Variants in RSF1 observed in about 807,000 individuals in gnomAD.
RSF1 encodes the protein remodeling and spacing factor 1.
A neutral mutation model predicts 145.2 loss-of-function variants in RSF1; 13 were observed. The ratio of observed to expected loss-of-function variants is 0.09; its 90% confidence interval spans 0.06 to 0.14. The LOEUF (loss-of-function observed/expected upper bound fraction) is 0.14, where lower values mean the gene tolerates loss of function less well. RSF1 is among the 10% of genes least tolerant of loss of function. The pLI is 1.00. For missense variants in RSF1, 1,517 were observed against 1,718.2 expected, an observed-to-expected ratio of 0.88 and a Z score of 2.07; for synonymous variants, 577 against 592.6, an observed-to-expected ratio of 0.97 and a Z score of 0.38.
intron 1 of RSF1, among the ~76,000 whole-genome samples, chr11:77,806,659 C>G (rs1407930418): frequency 1.3e-5 from 2 of 150,926 alleles, no homozygotes; most frequent in Non-Finnish European, 2.9e-5. Context: ...GCAGTCTGGG[C>G]AATAGAGCAA....
intron 1 of RSF1, among the ~76,000 whole-genome samples, chr11:77,769,709 T>C (rs1002161599): frequency 1.3e-5 from 2 of 152,270 alleles, no homozygotes; most frequent in Admixed American, 6.5e-5. Context: ...GTCTTAAAAA[T>C]GTCACTGCTC....
intron 15 of RSF1, among the ~76,000 whole-genome samples, chr11:77,667,907 G>A (rs1273364157): frequency 6.6e-6 from 1 of 152,070 alleles, no homozygotes; most frequent in East Asian, 1.9e-4. Context: ...GTTTCACTAT[G>A]TTGGCCAAGC....
At chr11:77,728,664 C>T (rs943848821) in intron 4 of RSF1, among the ~76,000 whole-genome samples, 1 of 151,448 alleles carries the variant, frequency 6.6e-6, no homozygotes. Context: ...AAGAAAGAGG[C>T]CACACACAGA....
At chr11:77,865,820 C>T in the RSF1 span, among the ~76,000 whole-genome samples, 3 of 152,210 alleles carry the variant, frequency 2.0e-5, no homozygotes. Context: ...TATAATCTTA[C>T]ATATCTTCTT....
In RSF1 at chr11:77,709,293, A is replaced by G. The variant is rs566158032; in HGVS notation, c.734-6798T>C. On this transcript the variant is annotated intron_variant, in intron 5 of 15. Coordinates refer to ENST00000308488, the MANE Select transcript of RSF1 (RefSeq NM_016578.4). ...ACACCTCCTTACCACCATCTATACT[A>G]TATATTTTATTTACTAATCTTGTTT... Among the ~76,000 whole-genome samples the G allele has an allele frequency of 2.0e-5, 3 of 152,248 alleles. No individual in the cohort carries two copies. The South Asian group carries it at 6.2e-4, about 32-fold the overall frequency.
At chr11:77,794,805 G>T (rs1384260976) in intron 1 of RSF1, among the ~76,000 whole-genome samples, 1 of 152,116 alleles carries the variant, frequency 6.6e-6, no homozygotes, top group East Asian at 1.9e-4. Context: ...AGACAAGGAT[G>T]AATACTTTCA....
the RSF1 span, among the ~76,000 whole-genome samples, chr11:77,848,463 T>G: frequency 6.6e-6 from 1 of 151,834 alleles, no homozygotes; most frequent in Non-Finnish European, 1.5e-5. Flanking sequence ...GTTCAAGCGA[T>G]TCTCCTACCT....
At chr11:77,668,281 CGT>C (rs2135806105) in intron 15 of RSF1, among the ~76,000 whole-genome samples, 1 of 152,320 alleles carries the variant, frequency 6.6e-6, no homozygotes, top group Non-Finnish European at 1.5e-5. Flanking sequence ...GGATTATAGG[CGT>C]AAGCCACTGT....
At chr11:77,851,146 G>C in the RSF1 span, 1 of 151,966 alleles carries the variant, frequency 6.6e-6, no homozygotes, top group Non-Finnish European at 1.5e-5. Context: ...GTAGAGACAG[G>C]GTTTCACCAT....
In RSF1 at chr11:77,700,638, G is replaced by T. The variant is rs1960395590; in HGVS notation, c.2508+83C>A. 1.0e-5 allele frequency: 10 copies of T among 979,814 alleles called. No individual in the cohort carries two copies. In the East Asian group the frequency reaches 1.4e-4, roughly 13 times the overall value. 60.7% of individuals were successfully genotyped at this position (979,814 alleles called of 1,614,324 possible). The stretch of plus-strand genomic sequence containing the variant: ...GAAAGATACTTTGTCAGTTGTCTTT[G>T]ATGACTAAGTTTTAGACAAAACCAA... On this transcript the variant is annotated intron_variant, in intron 6 of 15. Transcript: ENST00000308488.
chr11:77,785,813 C>T (rs1948448989), intron 1 of RSF1, among the ~76,000 whole-genome samples: 1 of 146,214 alleles, frequency 6.8e-6, no homozygotes, highest in African/African-American at 2.5e-5. Flanking sequence ...GTAGTCCCAG[C>T]TACTCGGGAG....
At chr11:77,735,817 GC>G (rs1961336181) in intron 4 of RSF1, among the ~76,000 whole-genome samples, 1 of 152,154 alleles carries the variant, frequency 6.6e-6, no homozygotes, top group East Asian at 1.9e-4. Flanking sequence ...TTGGCTCACT[GC>G]AACCTCTGCC....
the RSF1 span, among the ~76,000 whole-genome samples, chr11:77,862,325 C>T: frequency 6.6e-6 from 1 of 152,222 alleles, no homozygotes; most frequent in Non-Finnish European, 1.5e-5. Context: ...TTAGCAGTAA[C>T]ATTATATCTC....
chr11:77,740,359 G>A (rs1422625735), intron 4 of RSF1, among the ~76,000 whole-genome samples: 1 of 152,194 alleles, frequency 6.6e-6, no homozygotes, highest in Non-Finnish European at 1.5e-5. Flanking sequence ...TGGGCAACAA[G>A]AGCGAAACTC....
At position 77,691,244 on chromosome 11, in the gene RSF1, G is replaced by A. The variant is rs1341229565; in HGVS notation, c.2821-6C>T. The A allele has an allele frequency of 1.2e-6, 2 of 1,613,328 alleles. No homozygotes were observed. Among genetic ancestry groups the A allele is most frequent in the African/African-American group, 1.3e-5 (1 of 74,920 alleles). On this transcript the variant is annotated splice_polypyrimidine_tract_variant and splice_region_variant and intron_variant, in intron 8 of 15. Transcript: ENST00000308488. ...AATTTTTCACAGAGCAGTTTCTGAA[G>A]AAGCAAAATAGATAAAAGTCATTTT...
intron 4 of RSF1, among the ~76,000 whole-genome samples, chr11:77,732,592 G>A (rs1376221020): frequency 2.0e-5 from 3 of 152,168 alleles, no homozygotes; most frequent in African/African-American, 7.2e-5. Flanking sequence ...GGTGGAAGGC[G>A]ATTGAATTAA....
At chr11:77,813,720 C>A (rs998928000) in intron 1 of RSF1, 4 of 391,900 alleles carry the variant, frequency 1.0e-5, no homozygotes, top group Admixed American at 3.0e-5. Flanking sequence ...TCGGCGAGAG[C>A]GAACAGTAGT....
rs1171428971 is a variant in RSF1, at chr11:77,663,697, A to G, written c.*3220T>C. The G allele has an allele frequency of 6.6e-6, 1 of 152,196 alleles. No homozygotes were observed. The highest frequency in any genetic ancestry group is 2.4e-5 in the African/African-American group (1 of 41,464). The allele number at this position is 152,196 out of a possible 1,614,324, so 9.4% of individuals were successfully genotyped here. A position where few individuals can be genotyped will look rare whatever the true frequency, so the allele number is the denominator to read the frequency against. ...GTGCCAATGATGGAAAATGTTTTAC[A>G]CTAATTTCATCAGCACTGATGTACA... is the stretch of plus-strand genomic sequence containing the variant. On this transcript the variant is annotated 3_prime_UTR_variant, in exon 16 of 16. Coordinates refer to ENST00000308488, the MANE Select transcript of RSF1 (RefSeq NM_016578.4).
Position 77,747,148 on chromosome 11 carries a change from T to C in RSF1, c.280-20A>G. On this transcript the variant is annotated intron_variant, in intron 2 of 15. Coordinates refer to ENST00000308488, the MANE Select transcript of RSF1 (RefSeq NM_016578.4). ...GCATATCTGTCAGATAAAGTTAATA[T>C]CTTAATACATGAAAGCAATTTTTAT... 6.6e-7 allele frequency: 1 copy of C among 1,507,302 alleles called. No homozygotes were observed. Among genetic ancestry groups the C allele is most frequent in the Non-Finnish European group, 9.2e-7 (1 of 1,086,252 alleles). The allele number at this position is 1,507,302 out of a possible 1,614,324, so 93.4% of individuals were successfully genotyped here. A position where few individuals can be genotyped will look rare whatever the true frequency, so the allele number is the denominator to read the frequency against.
Sources: allele counts gnomAD v4.1 joint callset (sites outside exome capture counted in the v4.1 genomes callset), GRCh38; gene constraint gnomAD v4.1.1; transcripts MANE v1.5; gene names NCBI Gene and HGNC (gene_info 2026-07-23, HGNC 2026-07-21).